The following USP24 variants were observed in gnomAD, a reference collection of about 807,000 sequenced individuals.
USP24 encodes the protein ubiquitin specific peptidase 24.
Under a neutral mutation model 361.6 loss-of-function variants are expected in USP24, and 97 were observed. The ratio of observed to expected loss-of-function variants is 0.27; its 90% confidence interval spans 0.23 to 0.32. The LOEUF is 0.32. Among genes scored for constraint, USP24 ranks in the 10% least tolerant of loss-of-function variants. The pLI is 1.00. For synonymous variants in USP24, 1,098 were observed against 1,124.6 expected (o/e 0.98, Z 0.47); for missense variants, 2,353 against 3,165.6 (o/e 0.74, Z 6.16).
intron 1 of USP24, among the ~76,000 whole-genome samples, chr1:55,192,486 T>C (rs1317480682): frequency 6.6e-6 from 1 of 152,224 alleles, no homozygotes; most frequent in Non-Finnish European, 1.5e-5. Context: ...AAAATGAAGA[T>C]GACAGACTGA....
intron 20 of USP24, among the ~76,000 whole-genome samples, chr1:55,145,032 T>C (rs1646991408): frequency 6.6e-6 from 1 of 152,248 alleles, no homozygotes; most frequent in Non-Finnish European, 1.5e-5. Flanking sequence ...ACAAGTATTG[T>C]TGAGGATGTG....
chr1:55,117,661 G>A (rs58780216), intron 38 of USP24, among the ~76,000 whole-genome samples: 5,999 of 151,236 alleles, frequency 0.04, 332 homozygotes, highest in African/African-American at 0.13. Flanking sequence ...CCGGGAAGCC[G>A]GGAAGCGGAG....
intron 6 of USP24, 125 bp from the exon 7 acceptor site, chr1:55,166,075 T>C: frequency 4.1e-6 from 3 of 727,486 alleles, no homozygotes; most frequent in Non-Finnish European, 6.2e-6. Flanking sequence ...GATACAGGCA[T>C]ACAATGTGAA....
At chr1:55,146,377 G>A (rs1489620916) in intron 19 of USP24, among the ~76,000 whole-genome samples, 1 of 152,124 alleles carries the variant, frequency 6.6e-6, no homozygotes, top group Admixed American at 6.5e-5. Flanking sequence ...CTTACAACAG[G>A]CACTATGCTG....
intron 56 of USP24, among the ~76,000 whole-genome samples, chr1:55,084,895 G>A (rs1645219749): frequency 6.6e-6 from 1 of 152,144 alleles, no homozygotes; most frequent in African/African-American, 2.4e-5. Flanking sequence ...CCATCTCTAG[G>A]GAGGCTGCAC....
intron 38 of USP24, among the ~76,000 whole-genome samples, chr1:55,115,217 G>A (rs1646072155): frequency 6.6e-6 from 1 of 151,962 alleles, no homozygotes; most frequent in Non-Finnish European, 1.5e-5. Flanking sequence ...ATAGAATGGC[G>A]ATCATTAAAA....
intron 55 of USP24, 174 bp from the exon 56 acceptor site, chr1:55,086,212 C>G: frequency 1.6e-6 from 1 of 621,282 alleles, no homozygotes; most frequent in Non-Finnish European, 2.8e-6. Flanking sequence ...CTTATTCCTG[C>G]TAACTGTAAT....
intron 1 of USP24, among the ~76,000 whole-genome samples, chr1:55,198,479 T>C (rs960932060): frequency 2.0e-5 from 3 of 152,240 alleles, no homozygotes; most frequent in African/African-American, 7.2e-5. Flanking sequence ...TGTGTGATTT[T>C]AGACAGGGTT....
chr1:55,106,231 AGTC>A lies in USP24; in HGVS notation c.4792_4794del (p.Asp1598del). 6.2e-7 allele frequency: 1 copy of A among 1,613,864 alleles called. No homozygotes were observed. Among genetic ancestry groups the A allele is most frequent in the Non-Finnish European group, 8.5e-7 (1 of 1,179,728 alleles). On this transcript the variant is annotated inframe_deletion, in exon 41 of 68. Coordinates refer to ENST00000294383, the MANE Select transcript of USP24 (RefSeq NM_015306.3). The stretch of plus-strand genomic sequence containing the variant: ...ATAATTCTAGAAGCTCGGAAAAGGA[AGTC>A]ATCTAACAATGGTTTAATGAGTGAT...
chr1:55,143,242 G>C, intron 21 of USP24, 123 bp from the exon 22 acceptor site: 1 of 677,352 alleles, frequency 1.5e-6, no homozygotes, highest in Non-Finnish European at 2.3e-6. Flanking sequence ...AATTAAGGCT[G>C]CAAAACCTCA....
rs953685061 is a variant in USP24, at chr1:55,072,367, A to G, written c.7639T>C (p.Ser2547Pro). ...GTTTTTCCAGTTGATGTTTCATTAG[A>G]GACATTACTCTGTGGTGTCCAGTAA... Reference protein sequence around the residue: ...EHYWTPQSNVSNETSTGKTFQ... With the variant: ...EHYWTPQSNVPNETSTGKTFQ... Residue 2547 changes from serine to proline, a missense_variant, in exon 66 of 68, where the codon TCT becomes CCT. Transcript: ENST00000294383. 1 of 1,613,692 alleles carries G rather than the reference A, an allele frequency of 6.2e-7. No homozygotes were observed. The highest frequency in any genetic ancestry group is 1.3e-5 in the African/African-American group (1 of 74,908).
At chr1:55,142,719 G>A in intron 23 of USP24, 23 bp downstream of exon 23, 1 of 1,441,832 alleles carries the variant, frequency 6.9e-7, no homozygotes, top group Non-Finnish European at 9.3e-7. Context: ...TCAAAGAGAT[G>A]TTAAATAAAA....
chr1:55,188,402 G>A (rs1192854272), intron 1 of USP24, among the ~76,000 whole-genome samples: 5 of 150,084 alleles, frequency 3.3e-5, no homozygotes, highest in African/African-American at 1.2e-4. Flanking sequence ...TTAAGAAAGT[G>A]AAAAAAAGAA....
Position 55,098,530 on chromosome 1 carries a change from T to C in USP24, c.5399A>G (p.Asn1800Ser). ...ATCAGAGTAGATGCCCTGAAATGTA[T>C]TCTTAAAAATTTGGTCTCTCCCCAT... is the stretch of plus-strand genomic sequence containing the variant. ...KKMGRDQIFK[N>S]TFQGIYSDQK... The change falls in exon 46 of 68, where the codon AAT becomes AGT. Residue 1800 changes from asparagine (N) to serine (S), a missense_variant. Around this residue, in one of 8 missense-constraint regions of USP24, gnomAD observed 105 missense variants for 200.3 expected, o/e 0.52. Transcript: ENST00000294383. 6.2e-7 allele frequency: 1 copy of C among 1,612,606 alleles called. No individual in the cohort carries two copies. Among genetic ancestry groups the C allele is most frequent in the Non-Finnish European group, 8.5e-7 (1 of 1,179,224 alleles).
At chr1:55,178,681 AAATAAAT>A (rs1650247151) in intron 1 of USP24, among the ~76,000 whole-genome samples, 1 of 2,032 alleles carries the variant, frequency 4.9e-4, no homozygotes, top group Non-Finnish European at 1.5e-3. Flanking sequence ...GTCTCAAAAT[AAATAAAT>A]AAATAAATAA....
intron 42 of USP24, 96 bp from the exon 43 acceptor site, chr1:55,101,799 G>T: frequency 7.2e-7 from 1 of 1,394,266 alleles, no homozygotes; most frequent in South Asian, 1.6e-5. Context: ...TATATTCACA[G>T]ATTTACCCAT....
intron 67 of USP24, among the ~76,000 whole-genome samples, chr1:55,069,364 C>G (rs1644873386): frequency 6.6e-6 from 1 of 152,230 alleles, no homozygotes; most frequent in Non-Finnish European, 1.5e-5. Flanking sequence ...ACTCTGCACC[C>G]ATGTGAGAAC....
chr1:55,198,277 C>T (rs1167579567), intron 1 of USP24, among the ~76,000 whole-genome samples: 1 of 152,150 alleles, frequency 6.6e-6, no homozygotes. Flanking sequence ...CCACCATCCC[C>T]AGCCTATATT....
At chr1:55,214,280 A>C (rs1644924819) in intron 1 of USP24, among the ~76,000 whole-genome samples, 1 of 151,266 alleles carries the variant, frequency 6.6e-6, no homozygotes, top group Non-Finnish European at 1.5e-5. Context: ...GTCAAAGACC[A>C]CTACTCTGGC....
Sources: gnomAD v4.1 joint callset for allele counts (sites outside exome capture counted in the v4.1 genomes callset) on GRCh38, gnomAD v4.1.1 for gene constraint, gnomAD v4.1.1 regional missense constraint, MANE v1.5 for transcripts, NCBI Gene and HGNC (gene_info 2026-07-23, HGNC 2026-07-21) for gene names.